Variants in ZC2HC1A observed in about 807,000 individuals in gnomAD.
ZC2HC1A encodes the protein zinc finger C2HC domain-containing protein 1A.
Under a neutral mutation model 40.7 loss-of-function variants are expected in ZC2HC1A, and 28 were observed. The observed-to-expected ratio is 0.69, with a 90% confidence interval of 0.51 to 0.94. The LOEUF (loss-of-function observed/expected upper bound fraction) is 0.94, where lower values mean the gene tolerates loss of function less well. ZC2HC1A is among the 40% of genes least tolerant of loss of function. The pLI, the probability that ZC2HC1A is intolerant of heterozygous loss-of-function variation, is 0.00. For missense variants in ZC2HC1A, 389 were observed against 386.3 expected (o/e 1.01, Z -0.06); for synonymous variants, 129 against 129.2 (o/e 1.00, Z 0.01).
intron 7 of ZC2HC1A, among the ~76,000 whole-genome samples, chr8:78,709,981 C>T (rs1000095322): frequency 1.3e-5 from 2 of 152,108 alleles, no homozygotes; most frequent in South Asian, 4.1e-4. Context: ...ACCTAGTAAG[C>T]CACACTAAAA....
rs930559198 is a variant in ZC2HC1A, at chr8:78,692,688, A to G, written c.504+3315A>G. On this transcript the variant is annotated intron_variant, in intron 5 of 8. Transcript: ENST00000263849. Reference sequence around the variant, plus strand: ...AATTGCTGCTACCTGTAGGATGGTTATATAGCCACTTCACCCCTCCAACAT... The same window carrying G: ...AATTGCTGCTACCTGTAGGATGGTTGTATAGCCACTTCACCCCTCCAACAT... Among the ~76,000 whole-genome samples the G allele has an allele frequency of 2.6e-5, 4 of 152,054 alleles. No individual in the cohort carries two copies. The South Asian group carries it at 8.3e-4, about 32-fold the overall frequency.
intron 7 of ZC2HC1A, among the ~76,000 whole-genome samples, chr8:78,705,638 T>C (rs1312070925): frequency 5.3e-5 from 8 of 152,168 alleles, no homozygotes; most frequent in Admixed American, 5.2e-4. Flanking sequence ...CTTCCACCTC[T>C]GGGTCGGCAT....
chr8:78,687,634 TTA>T lies in ZC2HC1A; in HGVS notation c.352+1036_352+1037del, dbSNP rs535130467. Among the ~76,000 whole-genome samples the T allele has an allele frequency of 3.1e-4, 41 of 130,580 alleles. 13 individuals carry two copies. The East Asian group carries it at 7.0e-3, about 22-fold the overall frequency. The allele number at this position is 130,580 out of a possible 152,430, so 85.7% of individuals were successfully genotyped here. ...ACATTATATATATTTACGTAATACA[TTA>T]TATATATATTTACGTAATACATTAT... On this transcript the variant is annotated intron_variant, in intron 4 of 8. Transcript: ENST00000263849.
Position 78,666,154 on chromosome 8 carries a change from G to C in ZC2HC1A, c.6G>C (p.Glu2Asp). The C allele has an allele frequency of 1.3e-6, 2 of 1,573,850 alleles. No individual in the cohort carries two copies. The highest frequency in any genetic ancestry group is 1.7e-6 in the Non-Finnish European group (2 of 1,159,838). M[E>D]GLEENGGVVQ... is the part of the protein sequence containing the mutation. ...GAGCTCGAGGAGGTGGCGCGATGGA[G>C]GGACTGGAAGGTGAGGCGATGAAGG... Residue 2 changes from glutamate to aspartate, a missense_variant, in exon 1 of 9, where the codon GAG (glutamate) becomes GAC (aspartate). Physicochemically the swap from Glu to Asp is conservative, Grantham distance 45 (BLOSUM62 2). Coordinates refer to ENST00000263849, the MANE Select transcript of ZC2HC1A (RefSeq NM_016010.3).
chr8:78,673,786 A>G (rs1461729267), intron 1 of ZC2HC1A, among the ~76,000 whole-genome samples: 3 of 152,188 alleles, frequency 2.0e-5, no homozygotes, highest in Admixed American at 1.3e-4. Flanking sequence ...ATTAGAGGAC[A>G]TTATAAATTT....
intron 5 of ZC2HC1A, among the ~76,000 whole-genome samples, chr8:78,693,071 T>G (rs903458232): frequency 1.8e-4 from 28 of 152,098 alleles, no homozygotes; most frequent in Admixed American, 5.2e-4. Context: ...TCATCATTTT[T>G]TATGGCTGCA....
intron 7 of ZC2HC1A, among the ~76,000 whole-genome samples, chr8:78,709,045 T>C (rs1170502665): frequency 6.6e-6 from 1 of 152,218 alleles, no homozygotes; most frequent in Non-Finnish European, 1.5e-5. Context: ...TTTCCCCATT[T>C]GAATTGTTCC....
intron 8 of ZC2HC1A, among the ~76,000 whole-genome samples, chr8:78,716,146 G>T (rs577092956): frequency 6.7e-6 from 1 of 149,358 alleles, no homozygotes; most frequent in Non-Finnish European, 1.5e-5. Context: ...TTTTTAAGAC[G>T]GAGTCTCGCT....
intron 7 of ZC2HC1A, among the ~76,000 whole-genome samples, chr8:78,699,454 A>C (rs541777399): frequency 2.0e-5 from 3 of 152,088 alleles, no homozygotes; most frequent in African/African-American, 7.2e-5. Flanking sequence ...TACAGCACAC[A>C]TTATTTTCTT....
rs371705556 is a variant in ZC2HC1A, at chr8:78,697,519, G to A, written c.604+13G>A. The A allele has an allele frequency of 6.3e-6, 10 of 1,594,266 alleles. No individual in the cohort carries two copies. The highest frequency in any genetic ancestry group is 2.2e-5 in the East Asian group (1 of 44,612). On this transcript the variant is annotated intron_variant, in intron 6 of 8. Transcript: ENST00000263849. ...AAAACTGTTGTAGGTAATGATAGCC[G>A]AAAAGCAACTTGATTTGTTTTTGAA...
intron 2 of ZC2HC1A, 44 bp downstream of exon 2, chr8:78,675,907 A>G: frequency 2.0e-6 from 3 of 1,520,608 alleles, no homozygotes; most frequent in Non-Finnish European, 2.7e-6. Flanking sequence ...ACAGATCTGT[A>G]ATTGTTCAAT....
rs111436520 is a variant in ZC2HC1A at position 78,715,246 on chromosome 8, A to G, written c.730A>G (p.Thr244Ala). 6.2e-7 allele frequency: 1 copy of G among 1,613,826 alleles called. No homozygotes were observed. Among genetic ancestry groups the G allele is most frequent in the South Asian group, 1.1e-5 (1 of 91,038 alleles). The change falls in exon 8 of 9, where the codon ACA becomes GCA. Residue 244 changes from threonine (T) to alanine (A), a missense_variant. Thr to Ala is a moderately conservative substitution (Grantham distance 58, BLOSUM62 0). Transcript: ENST00000263849. ...AGANVKPRNS[T>A]PPSLARNPAP... is the part of the protein sequence containing the mutation. ...AGCTAATGTCAAACCCCGAAATTCC[A>G]CACCACCTAGTTTGGCAAGAAATCC...
rs1472138074 is a variant in ZC2HC1A at position 78,686,527 on chromosome 8, A to G, written c.271A>G (p.Ile91Val). ...GAAACATGAAGAATTCATTGCTACCATAAGAGCAGCTAAAGGCCTTGATCA... is the reference window on the plus strand; with the variant it reads ...GAAACATGAAGAATTCATTGCTACCGTAAGAGCAGCTAAAGGCCTTGATCA... ...RRKHEEFIATIRAAKGLDQAL... is the reference protein window; with the variant it reads ...RRKHEEFIATVRAAKGLDQAL... Residue 91 changes from isoleucine to valine, a missense_variant, in exon 4 of 9, where the codon ATA becomes GTA. Coordinates refer to ENST00000263849, the MANE Select transcript of ZC2HC1A (RefSeq NM_016010.3). The G allele has an allele frequency of 2.6e-6, 4 of 1,556,174 alleles. No homozygotes were observed. The highest frequency in any genetic ancestry group is 2.4e-5 in the East Asian group (1 of 42,286).
intron 4 of ZC2HC1A, among the ~76,000 whole-genome samples, chr8:78,687,946 TA>T (rs1033190361): frequency 7.0e-6 from 1 of 143,732 alleles, no homozygotes; most frequent in African/African-American, 2.5e-5. Flanking sequence ...TTTTTATATA[TA>T]AACTATATCT....
intron 1 of ZC2HC1A, among the ~76,000 whole-genome samples, chr8:78,673,964 A>G (rs1809502385): frequency 6.6e-6 from 1 of 152,114 alleles, no homozygotes; most frequent in South Asian, 2.1e-4. Flanking sequence ...TCGTTTTTTA[A>G]AAAAACATTT....
At chr8:78,671,398 A>G (rs1809434333) in intron 1 of ZC2HC1A, among the ~76,000 whole-genome samples, 1 of 152,146 alleles carries the variant, frequency 6.6e-6, no homozygotes, top group Admixed American at 6.6e-5. Context: ...GCTTATTTCA[A>G]CAGTATTTGC....
chr8:78,674,867 T>C, intron 1 of ZC2HC1A, among the ~76,000 whole-genome samples: 1 of 152,116 alleles, frequency 6.6e-6, no homozygotes, highest in Non-Finnish European at 1.5e-5. Flanking sequence ...GAAAAATGTT[T>C]TTCTATTTGT....
intron 1 of ZC2HC1A, among the ~76,000 whole-genome samples, chr8:78,670,471 A>T (rs1809412566): frequency 6.6e-6 from 1 of 152,216 alleles, no homozygotes; most frequent in Non-Finnish European, 1.5e-5. Context: ...ATAACAACAT[A>T]CTAAGCTTCT....
intron 7 of ZC2HC1A, among the ~76,000 whole-genome samples, chr8:78,701,167 T>C (rs1810590137): frequency 6.6e-6 from 1 of 152,240 alleles, no homozygotes; most frequent in South Asian, 2.1e-4. Flanking sequence ...TTTAATTTCT[T>C]TGAGCATTGG....
Sources: gnomAD v4.1 joint callset for allele counts (sites outside exome capture counted in the v4.1 genomes callset) on GRCh38, gnomAD v4.1.1 for gene constraint, MANE v1.5 for transcripts, NCBI Gene and HGNC (gene_info 2026-07-23, HGNC 2026-07-21) for gene names.